Variants in THBS4 observed in about 807,000 individuals in gnomAD.
THBS4 encodes the protein thrombospondin 4.
Under a neutral mutation model 115.7 loss-of-function variants are expected in THBS4, and 90 were observed. The ratio of observed to expected loss-of-function variants is 0.78; its 90% CI spans 0.66 to 0.93. THBS4 has a LOEUF of 0.93. Among genes scored for constraint, THBS4 ranks in the 40% least tolerant of loss-of-function variants. The pLI, the probability that THBS4 is intolerant of heterozygous loss-of-function variation, is 0.00. For missense variants in THBS4, 1,087 were observed against 1,232.7 expected, an observed-to-expected ratio of 0.88 and a Z score of 1.77; for synonymous variants, 460 against 479.3, an observed-to-expected ratio of 0.96 and a Z score of 0.53.
At position 80,058,266 on chromosome 5, in the gene THBS4, C is replaced by A; in HGVS notation, c.601C>A (p.Gln201Lys). The A allele has an allele frequency of 1.3e-6, 2 of 1,577,668 alleles. No homozygotes were observed. The highest frequency in any genetic ancestry group is 1.7e-6 in the Non-Finnish European group (2 of 1,160,564). The change falls in exon 4 of 22, where the codon CAA (glutamine) becomes AAA (lysine). Residue 201 changes from glutamine to lysine, a missense_variant. Transcript: ENST00000350881. Reference sequence around the variant, plus strand: ...CTCACTGTTCCAGGTGGCCAGCCTGCAAGACTGCTTCCTGCAGCAGAGTGA... The same window carrying A: ...CTCACTGTTCCAGGTGGCCAGCCTGAAAGACTGCTTCCTGCAGCAGAGTGA... ...RGSLFQVASLQDCFLQQSEPL... is the reference protein window; with the variant it reads ...RGSLFQVASLKDCFLQQSEPL...
chr5:80,058,944 A>C (rs1431784898), intron 5 of THBS4, among the ~76,000 whole-genome samples, 154 bp downstream of exon 5: 1 of 152,136 alleles, frequency 6.6e-6, no homozygotes, highest in Non-Finnish European at 1.5e-5. Context: ...GCTCTGCTGG[A>C]AGTTCTCTGG....
At chr5:80,001,161 G>T (rs1049932321) in intron 2 of THBS4, among the ~76,000 whole-genome samples, 4 of 152,116 alleles carry the variant, frequency 2.6e-5, no homozygotes, top group Non-Finnish European at 5.9e-5. Context: ...TTACAACTCC[G>T]TTGAACATAT....
In THBS4 at chr5:80,035,743, C is replaced by T; in HGVS notation, c.88+118C>T. ...TGGCCTTGCTCAGCCCCTCTCTGTC[C>T]CTCCCGGGCCCAATCAAAGCATATT... On this transcript the variant is annotated intron_variant, in intron 1 of 21. Transcript: ENST00000350881. The surrounding 1 kb of genome is among the most constrained non-coding windows in gnomAD (Gnocchi z 4.6). 1 of 696,268 alleles carries T rather than the reference C, an allele frequency of 1.4e-6. No homozygotes were observed. Among genetic ancestry groups the T allele is most frequent in the Non-Finnish European group, 2.0e-6 (1 of 496,654 alleles). The allele number at this position is 696,268 out of a possible 1,614,324, so 43.1% of individuals were successfully genotyped here. A position where few individuals can be genotyped will look rare whatever the true frequency, so the allele number is the denominator to read the frequency against.
chr5:80,064,099 G>T (rs1422734714), intron 8 of THBS4, among the ~76,000 whole-genome samples: 2 of 152,180 alleles, frequency 1.3e-5, no homozygotes, highest in Non-Finnish European at 2.9e-5. Flanking sequence ...ATTACAAGGA[G>T]ACAGGAAACC....
At chr5:80,030,788 G>A (rs1004352133), upstream of THBS4, among the ~76,000 whole-genome samples, 1 of 152,084 alleles carries the variant, frequency 6.6e-6, no homozygotes, top group African/African-American at 2.4e-5. Flanking sequence ...TTATAGGCAT[G>A]AGCCTCCATG....
At chr5:80,041,637 T>C (rs1832906215) in intron 2 of THBS4, among the ~76,000 whole-genome samples, 1 of 152,190 alleles carries the variant, frequency 6.6e-6, no homozygotes, top group South Asian at 2.1e-4. Context: ...TTTGTTTTGT[T>C]GCCGTAGTGA....
intron 2 of THBS4, among the ~76,000 whole-genome samples, chr5:80,044,615 G>A (rs917681474): frequency 6.6e-6 from 1 of 151,978 alleles, no homozygotes; most frequent in Non-Finnish European, 1.5e-5. Context: ...AGTAGAGATG[G>A]GGTTTTGCCA....
upstream of THBS4, among the ~76,000 whole-genome samples, chr5:80,031,519 T>C (rs867419626): frequency 7.9e-5 from 12 of 152,372 alleles, no homozygotes; most frequent in Middle Eastern, 0.017. Flanking sequence ...AAAATAAATG[T>C]GTCCTGCTCA....
intron 7 of THBS4, among the ~76,000 whole-genome samples, chr5:80,060,535 G>A (rs912144041): frequency 1.3e-5 from 2 of 152,166 alleles, no homozygotes; most frequent in Non-Finnish European, 2.9e-5. Context: ...TGAGGCAGGA[G>A]GATCACATGA....
At chr5:80,044,576 C>T (rs576084361) in intron 2 of THBS4, among the ~76,000 whole-genome samples, 57 of 152,160 alleles carry the variant, frequency 3.7e-4, no homozygotes, top group African/African-American at 1.3e-3. Flanking sequence ...GTGCGCACCA[C>T]TACGCCCAGC....
rs192914776 is a variant in THBS4, at chr5:80,010,769, C to T, written n.177+12342C>T. Among the ~76,000 whole-genome samples, 22 of 152,328 alleles carry T rather than the reference C, an allele frequency of 1.4e-4. No individual in the cohort carries two copies. In the East Asian group the frequency reaches 2.9e-3, roughly 20 times the overall value. ...AGGTCTCATCCAAATTGATACGGGG[C>T]GTTGAAGCTGAGCTGGTCCTTCAGA... On this transcript the variant is annotated intron_variant and non_coding_transcript_variant, in intron 2 of 3. Transcript: ENST00000510218.
At chr5:80,069,629 C>T (rs1308752585) in intron 10 of THBS4, among the ~76,000 whole-genome samples, 17 of 152,216 alleles carry the variant, frequency 1.1e-4, no homozygotes, top group Admixed American at 1.1e-3. Context: ...CAGAAAATAG[C>T]TCATTAAAAA....
Position 80,009,993 on chromosome 5 carries a change from A to G in THBS4, n.177+11566A>G, listed in dbSNP as rs186416173. 3.3e-5 allele frequency among the ~76,000 whole-genome samples: 5 copies of G among 152,216 alleles called. No individual in the cohort carries two copies. In the East Asian group the frequency reaches 9.6e-4, roughly 29 times the overall value. On this transcript the variant is annotated intron_variant and non_coding_transcript_variant, in intron 2 of 3. Transcript: ENST00000510218. ...ACCCACACCCTACCCCCTAAAAAAAATTAGCTGGATGTGCCTGTAGTCCCA... is the reference window on the plus strand; with the variant it reads ...ACCCACACCCTACCCCCTAAAAAAAGTTAGCTGGATGTGCCTGTAGTCCCA...
intron 14 of THBS4, chr5:80,072,665 C>G: frequency 4.7e-6 from 2 of 424,660 alleles, no homozygotes; most frequent in East Asian, 7.5e-5. Context: ...AAGTATTTTT[C>G]CTGCAGAAAG....
rs184604295 is a variant in THBS4, at chr5:80,045,256, T to A, written c.292+4976T>A. ...TCAGAAAAAGAAACACAAGAACTGC[T>A]TCTTTAGTCTTAGTATGATTGTCTC... is the stretch of plus-strand genomic sequence containing the variant. On this transcript the variant is annotated intron_variant, in intron 2 of 21. Transcript: ENST00000350881. Among the ~76,000 whole-genome samples, 3 of 152,204 alleles carry A rather than the reference T, an allele frequency of 2.0e-5. No individual in the cohort carries two copies. In the East Asian group the frequency reaches 5.8e-4, roughly 29 times the overall value.
intron 2 of THBS4, among the ~76,000 whole-genome samples, chr5:80,005,483 A>T (rs891771890): frequency 5.3e-5 from 8 of 152,214 alleles, no homozygotes; most frequent in Admixed American, 5.2e-4. Context: ...GTATTTTAAT[A>T]TACCCAAACC....
At chr5:80,073,835 T>C (rs1468376245) in intron 15 of THBS4, among the ~76,000 whole-genome samples, 2 of 152,164 alleles carry the variant, frequency 1.3e-5, no homozygotes, top group African/African-American at 4.8e-5. Flanking sequence ...TATAACGGTG[T>C]CAGAATAGGT....
intron 14 of THBS4, among the ~76,000 whole-genome samples, chr5:80,073,035 C>G (rs577547894): frequency 1.3e-5 from 2 of 152,216 alleles, no homozygotes; most frequent in Non-Finnish European, 2.9e-5. Flanking sequence ...CGCCCCTTTC[C>G]AATCAGCTCA....
intron 1 of THBS4, among the ~76,000 whole-genome samples, chr5:79,993,551 G>T (rs1257264377): frequency 6.6e-6 from 1 of 152,170 alleles, no homozygotes; most frequent in African/African-American, 2.4e-5. Flanking sequence ...ATGTTTGTGT[G>T]GGATGGCCTG....
Sources: allele counts gnomAD v4.1 joint callset (sites outside exome capture counted in the v4.1 genomes callset), GRCh38; gene constraint gnomAD v4.1.1; non-coding constraint Gnocchi (gnomAD v3.1); transcripts MANE v1.5; gene names NCBI Gene and HGNC (gene_info 2026-07-23, HGNC 2026-07-21).